NPAS2: variants seen among roughly 807,000 people sequenced by gnomAD.
The protein encoded by NPAS2 is neuronal PAS domain-containing protein 2.
A neutral mutation model predicts 107.5 loss-of-function variants in NPAS2; 23 were observed. The observed-to-expected ratio is 0.21, with a 90% CI of 0.15 to 0.30. NPAS2 has a LOEUF of 0.30. NPAS2 is among the 10% of genes least tolerant of loss of function. NPAS2 has a pLI of 1.00. For synonymous variants in NPAS2, 403 were observed against 417.5 expected (o/e 0.97, Z 0.42); for missense variants, 756 against 1,043.3 (o/e 0.72, Z 3.79).
At chr2:100,993,698 A>G in intron 20 of NPAS2, 171 bp downstream of exon 20, 1 of 555,240 alleles carries the variant, frequency 1.8e-6, no homozygotes. Context: ...CTTAAAGTTT[A>G]TGAAGTCTAT....
intron 1 of NPAS2, among the ~76,000 whole-genome samples, chr2:100,866,874 T>C (rs1426449921): frequency 6.6e-6 from 1 of 152,252 alleles, no homozygotes; most frequent in Non-Finnish European, 1.5e-5. Context: ...TTCTATACTC[T>C]TTCTAATTTG....
chr2:100,920,097 G>C (rs1304570625), intron 2 of NPAS2, among the ~76,000 whole-genome samples: 1 of 152,108 alleles, frequency 6.6e-6, no homozygotes, highest in Non-Finnish European at 1.5e-5. Flanking sequence ...GTCTCTAATT[G>C]CCCTTGTCCA....
chr2:100,973,036 G>T (rs6543002), intron 12 of NPAS2, among the ~76,000 whole-genome samples: 2 of 152,076 alleles, frequency 1.3e-5, no homozygotes, highest in Non-Finnish European at 2.9e-5. Flanking sequence ...AAAATTAGCC[G>T]GGCATGGTGG....
intron 1 of NPAS2, among the ~76,000 whole-genome samples, chr2:100,823,969 T>C (rs547144310): frequency 8.5e-5 from 13 of 152,258 alleles, no homozygotes; most frequent in Non-Finnish European, 1.6e-4. Flanking sequence ...GCCTCCCAGC[T>C]CAGCTATGGC....
At chr2:100,834,978 G>A (rs1676966681) in intron 1 of NPAS2, among the ~76,000 whole-genome samples, 2 of 152,192 alleles carry the variant, frequency 1.3e-5, no homozygotes, top group South Asian at 2.1e-4. Context: ...GCCTCCCAAA[G>A]TGCTGGGATT....
At chr2:100,939,134 T>C (rs1296704805) in intron 5 of NPAS2, among the ~76,000 whole-genome samples, 1 of 152,120 alleles carries the variant, frequency 6.6e-6, no homozygotes, top group Admixed American at 6.5e-5. Context: ...TCATCCTGGG[T>C]CATACCTTTC....
intron 2 of NPAS2, among the ~76,000 whole-genome samples, chr2:100,924,738 C>T (rs1326812355): frequency 6.6e-6 from 1 of 152,180 alleles, no homozygotes; most frequent in African/African-American, 2.4e-5. Context: ...CCCGTGGGCC[C>T]TGGAACCAGG....
At chr2:100,847,035 G>A (rs1331215250) in intron 1 of NPAS2, 3 of 152,184 alleles carry the variant, frequency 2.0e-5, no homozygotes, top group Non-Finnish European at 2.9e-5. Context: ...TTACTCTATA[G>A]ATGCTTTTAG....
intron 1 of NPAS2, among the ~76,000 whole-genome samples, chr2:100,858,799 G>T (rs1678745993): frequency 6.6e-6 from 1 of 152,132 alleles, no homozygotes; most frequent in East Asian, 1.9e-4. Context: ...CATTAAGGGT[G>T]ATCATGTTAC....
At chr2:100,887,374 G>GGGGCCTTT (rs1680761855) in intron 1 of NPAS2, among the ~76,000 whole-genome samples, 1 of 152,218 alleles carries the variant, frequency 6.6e-6, no homozygotes, top group African/African-American at 2.4e-5. Context: ...ATGGGGCCTT[G>GGGGCCTTT]TGCCCACCAA....
chr2:100,904,192 C>T (rs1004631257), intron 1 of NPAS2, among the ~76,000 whole-genome samples: 3 of 152,036 alleles, frequency 2.0e-5, no homozygotes, highest in South Asian at 2.1e-4. Context: ...CACTGGGGTC[C>T]TGCAAGCAGG....
chr2:100,949,580 G>A (rs995575110), intron 7 of NPAS2, 100 bp downstream of exon 7: 26 of 697,242 alleles, frequency 3.7e-5, no homozygotes, highest in Middle Eastern at 5.1e-4. Context: ...GGGAGAACGC[G>A]TGCTTTTCAC....
intron 1 of NPAS2, chr2:100,821,208 GT>G (rs1225114130): frequency 3.1e-6 from 4 of 1,302,346 alleles, no homozygotes; most frequent in Non-Finnish European, 3.0e-6. Flanking sequence ...AGGTAAGAAA[GT>G]TTGTTTCAGC....
chr2:100,968,995 G>A lies in NPAS2; in HGVS notation c.1055+567G>A, dbSNP rs1036996575. ...CGGGTGAGCAGGACTTTAAAGAGAC[G>A]CGGCATGCCCAGGGTTTCATAGATG... On this transcript the variant is annotated intron_variant, in intron 11 of 20. Transcript: ENST00000335681. The surrounding 1 kb of genome is among the most constrained non-coding windows in gnomAD (Gnocchi z 5.3). Among the ~76,000 whole-genome samples, 3 of 152,130 alleles carry A rather than the reference G, an allele frequency of 2.0e-5. No homozygotes were observed. The highest frequency in any genetic ancestry group is 4.4e-5 in the Non-Finnish European group (3 of 68,018).
At chr2:100,886,311 G>T (rs1339061445) in intron 1 of NPAS2, among the ~76,000 whole-genome samples, 1 of 152,130 alleles carries the variant, frequency 6.6e-6, no homozygotes, top group Non-Finnish European at 1.5e-5. Flanking sequence ...ACAAGCCAAG[G>T]TCTCCTATCC....
In NPAS2 at chr2:100,870,280, A is replaced by T. The variant is rs1298121524; in HGVS notation, c.-22-34453A>T. Reference sequence around the variant, plus strand: ...ATTCTTTTTAGCTGACTTCAGTAGGAGGCTGTCCAGGGTATACACTGAAAC... The same window carrying T: ...ATTCTTTTTAGCTGACTTCAGTAGGTGGCTGTCCAGGGTATACACTGAAAC... On this transcript the variant is annotated intron_variant, in intron 1 of 20. Coordinates refer to ENST00000335681, the MANE Select transcript of NPAS2 (RefSeq NM_002518.4). Among the ~76,000 whole-genome samples the T allele has an allele frequency of 2.0e-5, 3 of 152,174 alleles. No homozygotes were observed. In the East Asian group the frequency reaches 5.8e-4, roughly 29 times the overall value.
chr2:100,945,829 G>A (rs1462914798), intron 5 of NPAS2, among the ~76,000 whole-genome samples: 1 of 152,204 alleles, frequency 6.6e-6, no homozygotes, highest in East Asian at 1.9e-4. Context: ...TTCCCCAGGA[G>A]TCTCCTCTAC....
At chr2:100,969,473 G>A (rs1223081326) in intron 11 of NPAS2, among the ~76,000 whole-genome samples, 1 of 152,108 alleles carries the variant, frequency 6.6e-6, no homozygotes, top group East Asian at 1.9e-4. Context: ...CTGTTCCTGT[G>A]TTAGTTTGCT....
intron 1 of NPAS2, among the ~76,000 whole-genome samples, chr2:100,873,678 C>T (rs1193674721): frequency 1.3e-5 from 2 of 151,934 alleles, no homozygotes; most frequent in African/African-American, 2.4e-5. Context: ...TTTGTAACTA[C>T]GATATTATAA....
Sources: allele counts gnomAD v4.1 joint callset (sites outside exome capture counted in the v4.1 genomes callset), GRCh38; gene constraint gnomAD v4.1.1; non-coding constraint Gnocchi (gnomAD v3.1); transcripts MANE v1.5; gene names NCBI Gene and HGNC (gene_info 2026-07-23, HGNC 2026-07-21).